The following PACRGL variants were observed in gnomAD, a reference collection of about 807,000 sequenced individuals.
PACRGL encodes PACRG-like protein.
A neutral mutation model predicts 34.5 loss-of-function variants in PACRGL; 38 were observed. The ratio of observed to expected loss-of-function variants is 1.10; its 90% CI spans 0.85 to 1.44. The LOEUF (loss-of-function observed/expected upper bound fraction) is 1.44. PACRGL is among the 40% of genes most tolerant of loss of function. PACRGL has a pLI of 0.00. For missense variants in PACRGL, 305 were observed against 281.4 expected (o/e 1.08, Z -0.60); for synonymous variants, 128 against 100.1 (o/e 1.28, Z -1.66).
chr4:20,749,556 GCTTT>G (rs1205668784), intron 8 of PACRGL: 1 of 699,920 alleles, frequency 1.4e-6, no homozygotes, highest in African/African-American at 1.8e-5. Flanking sequence ...GTGTCCTTGG[GCTTT>G]CTTTCCCCTG....
chr4:20,697,730 C>T (rs184670169), upstream of PACRGL, among the ~76,000 whole-genome samples: 48 of 152,258 alleles, frequency 3.2e-4, no homozygotes, highest in Admixed American at 2.5e-3. Flanking sequence ...AAGTCCACAT[C>T]GAAGTATCAA....
At chr4:20,765,917 T>C in the PACRGL span, among the ~76,000 whole-genome samples, 8 of 152,300 alleles carry the variant, frequency 5.3e-5, no homozygotes, top group African/African-American at 1.9e-4. Flanking sequence ...TCAAGATTAG[T>C]TGTAGATATG....
chr4:20,754,918 C>T (rs936171305), downstream of PACRGL, among the ~76,000 whole-genome samples: 13 of 151,994 alleles, frequency 8.6e-5, no homozygotes, highest in African/African-American at 3.1e-4. Context: ...ATATTAATGC[C>T]TATTAAGATG....
intron 8 of PACRGL, among the ~76,000 whole-genome samples, chr4:20,726,180 AG>A (rs759792908): frequency 6.6e-5 from 10 of 151,938 alleles, no homozygotes; most frequent in Admixed American, 3.3e-4. Flanking sequence ...GGTGTGGAGG[AG>A]GAGATAGTAT....
At chr4:20,738,691 T>G (rs1445137502) in intron 8 of PACRGL, among the ~76,000 whole-genome samples, 1 of 152,122 alleles carries the variant, frequency 6.6e-6, no homozygotes, top group Non-Finnish European at 1.5e-5. Flanking sequence ...AGAAGATGGG[T>G]GATTTCTGCA....
At chr4:20,713,359 T>A in intron 6 of PACRGL, 73 bp from the exon 7 acceptor site, 1 of 1,180,654 alleles carries the variant, frequency 8.5e-7, no homozygotes, top group Non-Finnish European at 1.2e-6. Context: ...CCCTTTTTTC[T>A]AACCTATCTT....
At chr4:20,743,379 G>T (rs1352730079) in intron 8 of PACRGL, among the ~76,000 whole-genome samples, 1 of 152,074 alleles carries the variant, frequency 6.6e-6, no homozygotes, top group Admixed American at 6.6e-5. Context: ...ATACTACAAG[G>T]CTACAGTAAC....
downstream of PACRGL, chr4:20,732,634 A>T: frequency 7.9e-7 from 1 of 1,260,646 alleles, no homozygotes; most frequent in Non-Finnish European, 1.2e-6. Context: ...ACATCAGGAA[A>T]TTTTCTCCTA....
At position 20,727,770 on chromosome 4, in the gene PACRGL, T is replaced by G. The variant is rs1746372996; in HGVS notation, c.*429T>G. The G allele has an allele frequency of 6.4e-6, 1 of 155,968 alleles. No individual in the cohort carries two copies. The highest frequency in any genetic ancestry group is 2.4e-5 in the African/African-American group (1 of 41,506). The allele number at this position is 155,968 out of a possible 1,614,324, so 9.7% of individuals were successfully genotyped here. A position where few individuals can be genotyped will look rare whatever the true frequency, so the allele number is the denominator to read the frequency against. ...GAAGTTTAAAATAGTGGACAAATGT[T>G]TGTGAATACACTTTTAAAAAATTGT... On this transcript the variant is annotated 3_prime_UTR_variant, in exon 9 of 9. Transcript: ENST00000503585.
At chr4:20,764,032 T>A in the PACRGL span, among the ~76,000 whole-genome samples, 31 of 152,314 alleles carry the variant, frequency 2.0e-4, no homozygotes, top group South Asian at 6.4e-3. Flanking sequence ...GCAGTAGGGT[T>A]CCTGGGTTTA....
intron 8 of PACRGL, among the ~76,000 whole-genome samples, chr4:20,726,844 T>C (rs527819658): frequency 8.8e-4 from 134 of 152,292 alleles, no homozygotes; most frequent in Middle Eastern, 3.4e-3. Flanking sequence ...AAAGGCACAA[T>C]GCAAATCCTG....
At chr4:20,712,277 C>T (rs1294270996) in intron 5 of PACRGL, among the ~76,000 whole-genome samples, 6 of 147,822 alleles carry the variant, frequency 4.1e-5, no homozygotes, top group African/African-American at 5.0e-5. Flanking sequence ...TTCTCCCTTC[C>T]TTCCCTTCTG....
chr4:20,744,952 CA>C (rs1431747884), intron 8 of PACRGL, among the ~76,000 whole-genome samples: 1 of 152,118 alleles, frequency 6.6e-6, no homozygotes, highest in African/African-American at 2.4e-5. Context: ...TCAGGAAGCA[CA>C]TTTTATCCCT....
In PACRGL at chr4:20,727,526, T is replaced by C; in HGVS notation, c.*185T>C. 3 of 510,866 alleles carry C rather than the reference T, an allele frequency of 5.9e-6. No homozygotes were observed. The highest frequency in any genetic ancestry group is 1.0e-5 in the Non-Finnish European group (3 of 286,470). The allele number at this position is 510,866 out of a possible 1,614,324, so 31.6% of individuals were successfully genotyped here. Reference sequence around the variant, plus strand: ...AAGAACAGTTACTAATGGAAAGTTATTAAAATAAGTTCTATAAGAGTACAA... The same window carrying C: ...AAGAACAGTTACTAATGGAAAGTTACTAAAATAAGTTCTATAAGAGTACAA... On this transcript the variant is annotated 3_prime_UTR_variant, in exon 9 of 9. Coordinates refer to ENST00000503585, the MANE Select transcript of PACRGL (RefSeq NM_001258345.3).
chr4:20,724,856 G>T lies in PACRGL; in HGVS notation c.658G>T (p.Ala220Ser). ...DKKFKEPITSALQKLEQHGGS... is the reference protein window; with the variant it reads ...DKKFKEPITSSLQKLEQHGGS... ...GAAATTCAAAGAGCCAATCACCAGCGCATTACAAAAGCTAGAGCAACATGG... is the reference window on the plus strand; with the variant it reads ...GAAATTCAAAGAGCCAATCACCAGCTCATTACAAAAGCTAGAGCAACATGG... Residue 220 changes from alanine (A) to serine (S), a missense_variant, in exon 8 of 9, where the codon GCA (alanine) becomes TCA (serine). Ala to Ser is a moderately conservative substitution (Grantham distance 99). Transcript: ENST00000503585. 6.7e-7 allele frequency: 1 copy of T among 1,496,072 alleles called. No homozygotes were observed. The highest frequency in any genetic ancestry group is 8.8e-7 in the Non-Finnish European group (1 of 1,131,892). 92.7% of individuals were successfully genotyped at this position (1,496,072 alleles called of 1,614,324 possible).
At chr4:20,736,320 C>A (rs1749620452), downstream of PACRGL, among the ~76,000 whole-genome samples, 1 of 151,970 alleles carries the variant, frequency 6.6e-6, no homozygotes, top group Non-Finnish European at 1.5e-5. Context: ...TTTATTTAAC[C>A]AAATTGTTCT....
the PACRGL span, among the ~76,000 whole-genome samples, chr4:20,763,588 G>A: frequency 1.3e-5 from 2 of 152,176 alleles, no homozygotes; most frequent in Admixed American, 6.5e-5. Flanking sequence ...AAAATAAGAA[G>A]TCTGGTATGG....
In PACRGL at chr4:20,729,566, ATG is replaced by A. The variant is rs1747339868; in HGVS notation, c.*2229_*2230del. The stretch of plus-strand genomic sequence containing the variant: ...TGGGAAGGCCATAGAAACTGGAACT[ATG>A]TGTTTTTTTAATTGTTGTAATCTTG... On this transcript the variant is annotated 3_prime_UTR_variant, in exon 9 of 9. Transcript: ENST00000503585. The A allele has an allele frequency of 6.7e-6, 1 of 148,898 alleles. No homozygotes were observed. Among genetic ancestry groups the A allele is most frequent in the South Asian group, 2.2e-4 (1 of 4,452 alleles). 9.2% of individuals were successfully genotyped at this position (148,898 alleles called of 1,614,324 possible). A position where few individuals can be genotyped will look rare whatever the true frequency, so the allele number is the denominator to read the frequency against.
intron 4 of PACRGL, among the ~76,000 whole-genome samples, chr4:20,708,307 C>CT: frequency 6.6e-6 from 1 of 151,548 alleles, no homozygotes; most frequent in East Asian, 1.9e-4. Context: ...GATGTCAGAA[C>CT]TTTAAAAAAA....
Sources: gnomAD v4.1 joint callset for allele counts (sites outside exome capture counted in the v4.1 genomes callset) on GRCh38, gnomAD v4.1.1 for gene constraint, MANE v1.5 for transcripts, NCBI Gene and HGNC (gene_info 2026-07-23, HGNC 2026-07-21) for gene names.